TFDP2: variants seen among roughly 807,000 people sequenced by gnomAD.
TFDP2 encodes the protein transcription factor Dp-2 (E2F dimerization partner 2).
In TFDP2, 17 loss-of-function variants were observed where a neutral mutation model predicts 59.3. The observed-to-expected ratio is 0.29, with a 90% CI of 0.20 to 0.43. The LOEUF is 0.43. Among genes scored for constraint, TFDP2 ranks in the 20% least tolerant of loss-of-function variants. The pLI is 1.00. For synonymous variants in TFDP2, 180 were observed against 194.7 expected (o/e 0.92, Z 0.63); for missense variants, 391 against 528.8 (o/e 0.74, Z 2.56).
rs2062044422 is a variant in TFDP2, at chr3:142,121,492, T to G, written c.-92-19651A>C. Reference sequence around the variant, plus strand: ...AGATAATTAGTTAAAATTACAGAATTAAGAACTATGAGATGAAAATGCCAT... The same window carrying G: ...AGATAATTAGTTAAAATTACAGAATGAAGAACTATGAGATGAAAATGCCAT... On this transcript the variant is annotated intron_variant, in intron 1 of 12. Transcript: ENST00000489671. This position sits in a 1 kb window ranked among gnomAD's most constrained non-coding sequence, Gnocchi z 4.3. Among the ~76,000 whole-genome samples, 1 of 152,046 alleles carries G rather than the reference T, an allele frequency of 6.6e-6. No homozygotes were observed.
At chr3:141,991,368 CT>C (rs1942745382) in intron 6 of TFDP2, among the ~76,000 whole-genome samples, 1 of 152,036 alleles carries the variant, frequency 6.6e-6, no homozygotes, top group Non-Finnish European at 1.5e-5. Flanking sequence ...AGTTTCACTT[CT>C]TGTTAAAAAG....
Position 142,149,531 on chromosome 3 carries a change from G to A in TFDP2, c.-441C>T. ...CCCCCGCGCGAGCTTTGGCGGCGGAGCAGCACAGTGCGCGCCGATTGGCCC... is the reference window on the plus strand; with the variant it reads ...CCCCCGCGCGAGCTTTGGCGGCGGAACAGCACAGTGCGCGCCGATTGGCCC... On this transcript the variant is annotated 5_prime_UTR_variant, in exon 1 of 13. Transcript: ENST00000489671. The A allele has an allele frequency of 3.2e-6, 1 of 309,502 alleles. No individual in the cohort carries two copies. Among genetic ancestry groups the A allele is most frequent in the Non-Finnish European group, 5.9e-6 (1 of 170,122 alleles). 19.2% of individuals were successfully genotyped at this position (309,502 alleles called of 1,614,324 possible). A position where few individuals can be genotyped will look rare whatever the true frequency, so the allele number is the denominator to read the frequency against.
intron 1 of TFDP2, among the ~76,000 whole-genome samples, chr3:142,110,960 A>C (rs1194141882): frequency 1.3e-5 from 2 of 152,040 alleles, no homozygotes; most frequent in East Asian, 3.9e-4. Context: ...CTTGGAAAAA[A>C]AAAAAAGATA....
intron 3 of TFDP2, among the ~76,000 whole-genome samples, chr3:142,017,831 G>A (rs1177608046): frequency 1.3e-5 from 2 of 152,090 alleles, no homozygotes; most frequent in East Asian, 1.9e-4. Flanking sequence ...GATTACAGGC[G>A]TGAGCCACCG....
intron 1 of TFDP2, among the ~76,000 whole-genome samples, chr3:142,134,053 G>A (rs1352118047): frequency 6.8e-6 from 1 of 147,864 alleles, no homozygotes; most frequent in Non-Finnish European, 1.5e-5. Context: ...AAAAAAAAAA[G>A]AAGAAGAAGA....
chr3:141,968,483 A>ATG (rs1464660698), intron 9 of TFDP2, among the ~76,000 whole-genome samples: 1 of 112,994 alleles, frequency 8.9e-6, no homozygotes, highest in Non-Finnish European at 1.7e-5. Flanking sequence ...TAACATATAT[A>ATG]TATCTCATAT....
chr3:142,091,038 C>T (rs1270802641), intron 3 of TFDP2, among the ~76,000 whole-genome samples: 7 of 152,154 alleles, frequency 4.6e-5, no homozygotes, highest in Non-Finnish European at 1.0e-4. Context: ...TTTATTAGAG[C>T]AGAGATTCCC....
chr3:142,086,250 CA>C (rs2060808148), intron 3 of TFDP2, among the ~76,000 whole-genome samples: 1 of 152,170 alleles, frequency 6.6e-6, no homozygotes, highest in South Asian at 2.1e-4. Flanking sequence ...CTCTGGTCAC[CA>C]AAATGTGTGG....
intron 1 of TFDP2, among the ~76,000 whole-genome samples, chr3:142,104,009 A>G (rs913620396): frequency 5.3e-5 from 8 of 152,114 alleles, no homozygotes; most frequent in African/African-American, 1.9e-4. Context: ...TTTAAGCTCC[A>G]CATGCATTAG....
intron 3 of TFDP2, among the ~76,000 whole-genome samples, chr3:142,049,062 A>G (rs1947483706): frequency 6.6e-6 from 1 of 152,208 alleles, no homozygotes. Flanking sequence ...ATTTCTTATA[A>G]AAAGTGTTCA....
chr3:142,102,494 G>A (rs1389169474), intron 1 of TFDP2, among the ~76,000 whole-genome samples: 1 of 152,136 alleles, frequency 6.6e-6, no homozygotes, highest in South Asian at 2.1e-4. Context: ...AAATATAAAT[G>A]AGTGATACAG....
intron 3 of TFDP2, among the ~76,000 whole-genome samples, chr3:142,030,213 A>G (rs764563129): frequency 7.2e-5 from 11 of 152,244 alleles, no homozygotes; most frequent in Admixed American, 5.9e-4. Flanking sequence ...CAGGGTGTAA[A>G]TTAAACTGGG....
chr3:142,103,914 A>G (rs1176761263), intron 1 of TFDP2, among the ~76,000 whole-genome samples: 2 of 152,008 alleles, frequency 1.3e-5, no homozygotes, highest in East Asian at 3.8e-4. Flanking sequence ...TTTCATGTGC[A>G]GAACATGCAG....
At chr3:142,060,490 C>A (rs942246595) in intron 3 of TFDP2, among the ~76,000 whole-genome samples, 1 of 152,208 alleles carries the variant, frequency 6.6e-6, no homozygotes, top group African/African-American at 2.4e-5. Context: ...GTGAGACAGG[C>A]ACTATGCTAG....
intron 4 of TFDP2, among the ~76,000 whole-genome samples, chr3:142,003,819 G>A (rs1274823159): frequency 1.3e-5 from 2 of 152,128 alleles, no homozygotes; most frequent in African/African-American, 2.4e-5. Flanking sequence ...ACTGGACTGT[G>A]TAAGGGCCAA....
intron 3 of TFDP2, among the ~76,000 whole-genome samples, chr3:142,009,995 C>A (rs1944529725): frequency 1.3e-5 from 2 of 151,726 alleles, no homozygotes; most frequent in Admixed American, 1.3e-4. Flanking sequence ...TTTTATAATC[C>A]TGGAATGAGA....
chr3:142,062,378 T>C (rs1417368089), intron 3 of TFDP2, among the ~76,000 whole-genome samples: 4 of 130,548 alleles, frequency 3.1e-5, no homozygotes, highest in African/African-American at 1.2e-4. Context: ...TATATACACA[T>C]ATATATATAT....
chr3:142,027,723 G>C (rs1946196490), intron 3 of TFDP2, among the ~76,000 whole-genome samples: 1 of 152,082 alleles, frequency 6.6e-6, no homozygotes, highest in African/African-American at 2.4e-5. Flanking sequence ...GGGTATAATT[G>C]AAATGATCAA....
chr3:142,007,454 C>T (rs1482716356), intron 3 of TFDP2, among the ~76,000 whole-genome samples: 1 of 152,160 alleles, frequency 6.6e-6, no homozygotes, highest in Non-Finnish European at 1.5e-5. Flanking sequence ...ATTCTAGTTC[C>T]TTTATGCTAG....
Sources: gnomAD v4.1 joint callset for allele counts (sites outside exome capture counted in the v4.1 genomes callset) on GRCh38, gnomAD v4.1.1 for gene constraint, Gnocchi (gnomAD v3.1) non-coding constraint, MANE v1.5 for transcripts, NCBI Gene and HGNC (gene_info 2026-07-23, HGNC 2026-07-21) for gene names.